MSRA: variants seen among roughly 807,000 people sequenced by gnomAD.
The protein encoded by MSRA is methionine sulfoxide reductase A.
A neutral mutation model predicts 31.3 loss-of-function variants in MSRA; 54 were observed. That is an observed-to-expected ratio of 1.73 (90% CI 1.39 to 2.17). MSRA has a LOEUF of 2.17. Ranked by LOEUF, MSRA falls within the 30% of genes most tolerant of loss-of-function variation. MSRA has a pLI of 0.00. For synonymous variants in MSRA, 169 were observed against 116.5 expected (o/e 1.45, Z -2.90); for missense variants, 507 against 300.9 (o/e 1.69, Z -5.07).
chr8:10,232,660 A>G (rs1811594055), intron 2 of MSRA, among the ~76,000 whole-genome samples: 1 of 152,260 alleles, frequency 6.6e-6, no homozygotes, highest in South Asian at 2.1e-4. Context: ...AAGATTTCAT[A>G]TGAGAACCCA....
At chr8:10,398,620 C>G (rs1275847120) in intron 5 of MSRA, among the ~76,000 whole-genome samples, 3 of 152,188 alleles carry the variant, frequency 2.0e-5, no homozygotes, top group Non-Finnish European at 2.9e-5. Flanking sequence ...GCCAGCAATT[C>G]TAGCACCAGC....
At chr8:10,247,799 T>G (rs1168039579) in intron 3 of MSRA, among the ~76,000 whole-genome samples, 1 of 152,028 alleles carries the variant, frequency 6.6e-6, no homozygotes, top group African/African-American at 2.4e-5. Context: ...GTTCTGATCA[T>G]AAAAGGGAAA....
chr8:10,150,569 A>C lies in MSRA; in HGVS notation c.143-57264A>C, dbSNP rs185947965. On this transcript the variant is annotated intron_variant, in intron 1 of 5. Coordinates refer to ENST00000317173, the MANE Select transcript of MSRA (RefSeq NM_012331.5). ...TGACCAAAATGCCAATTAATGTGTT[A>C]ATATATGACCTCAAATCTACAGAAA... is the stretch of plus-strand genomic sequence containing the variant. Among the ~76,000 whole-genome samples the C allele has an allele frequency of 7.9e-5, 12 of 152,326 alleles. No individual in the cohort carries two copies. In the East Asian group the frequency reaches 2.3e-3, roughly 29 times the overall value.
At chr8:10,413,541 A>G (rs545643237) in intron 5 of MSRA, among the ~76,000 whole-genome samples, 3 of 152,354 alleles carry the variant, frequency 2.0e-5, no homozygotes, top group South Asian at 4.1e-4. Flanking sequence ...GTTACTAAAC[A>G]AAGACTTTAA....
intron 1 of MSRA, among the ~76,000 whole-genome samples, chr8:10,103,864 G>C (rs1201718939): frequency 1.3e-5 from 2 of 151,756 alleles, no homozygotes; most frequent in Non-Finnish European, 2.9e-5. Flanking sequence ...AAAAATTAAG[G>C]ATATAACTAA....
chr8:10,192,459 C>A (rs1018829850), intron 1 of MSRA, among the ~76,000 whole-genome samples: 1 of 152,178 alleles, frequency 6.6e-6, no homozygotes, highest in East Asian at 1.9e-4. Context: ...GCCAGAAACA[C>A]CCAGCTTCCT....
chr8:10,336,961 C>G (rs1803086921), intron 5 of MSRA: 1 of 152,200 alleles, frequency 6.6e-6, no homozygotes, highest in African/African-American at 2.4e-5. Context: ...AGGGCTGAGT[C>G]CTACCTGGCC....
intron 2 of MSRA, among the ~76,000 whole-genome samples, chr8:10,213,156 G>A (rs1378949837): frequency 6.6e-6 from 1 of 151,778 alleles, no homozygotes; most frequent in African/African-American, 2.4e-5. Flanking sequence ...ATTATATTTT[G>A]CATCCATTAA....
At chr8:10,374,527 C>T in intron 5 of MSRA, among the ~76,000 whole-genome samples, 1 of 152,318 alleles carries the variant, frequency 6.6e-6, no homozygotes, top group East Asian at 1.9e-4. Context: ...AAATATTTTA[C>T]AAATCGCCCA....
At chr8:10,327,574 G>C (rs971535250) in intron 5 of MSRA, among the ~76,000 whole-genome samples, 1 of 152,146 alleles carries the variant, frequency 6.6e-6, no homozygotes, top group Non-Finnish European at 1.5e-5. Context: ...CTGACAAATT[G>C]TGGTTTGACT....
intron 5 of MSRA, among the ~76,000 whole-genome samples, chr8:10,323,473 C>A (rs540375372): frequency 6.6e-6 from 1 of 152,246 alleles, no homozygotes; most frequent in African/African-American, 2.4e-5. Flanking sequence ...AAGGCCAGTG[C>A]CTTCCGTGTG....
chr8:10,207,917 T>C lies in MSRA; in HGVS notation c.211+16T>C, dbSNP rs1585171217. The C allele has an allele frequency of 3.1e-6, 5 of 1,605,696 alleles. No individual in the cohort carries two copies. The Admixed American group carries it at 5.0e-5, about 16-fold the overall frequency. On this transcript the variant is annotated intron_variant, in intron 2 of 5. Transcript: ENST00000317173. Reference sequence around the variant, plus strand: ...GCTGTATTTGGTAAGATATCAATTCTGAAAGAAAACCCAAATTGTGTGCAA... The same window carrying C: ...GCTGTATTTGGTAAGATATCAATTCCGAAAGAAAACCCAAATTGTGTGCAA...
chr8:10,305,416 T>C (rs1414510992), intron 4 of MSRA, among the ~76,000 whole-genome samples: 1 of 107,452 alleles, frequency 9.3e-6, no homozygotes, highest in African/African-American at 4.0e-5. Flanking sequence ...TTCCTTTTTT[T>C]TTTTTTTTTT....
intron 3 of MSRA, among the ~76,000 whole-genome samples, chr8:10,283,868 C>CACACACACAT (rs1479551088): frequency 2.3e-5 from 3 of 132,030 alleles, no homozygotes; most frequent in African/African-American, 8.2e-5. Context: ...CACACACACA[C>CACACACACAT]ATATATATTA....
intron 2 of MSRA, among the ~76,000 whole-genome samples, chr8:10,244,058 A>G (rs537781669): frequency 1.3e-5 from 2 of 152,154 alleles, no homozygotes; most frequent in Non-Finnish European, 2.9e-5. Context: ...GTAAACTTCT[A>G]ATTTATCTTT....
chr8:10,370,429 A>G (rs1173314697), intron 5 of MSRA, among the ~76,000 whole-genome samples: 1 of 152,254 alleles, frequency 6.6e-6, no homozygotes, highest in East Asian at 1.9e-4. Context: ...TAGGCAGAGA[A>G]TGACCCAGTG....
At chr8:10,248,567 G>GC (rs942643747) in intron 3 of MSRA, among the ~76,000 whole-genome samples, 1 of 152,262 alleles carries the variant, frequency 6.6e-6, no homozygotes, top group Non-Finnish European at 1.5e-5. Flanking sequence ...GGAGAAGTGA[G>GC]CGAGAGAGTG....
intron 5 of MSRA, among the ~76,000 whole-genome samples, chr8:10,392,363 G>A (rs891801279): frequency 2.0e-5 from 3 of 152,198 alleles, no homozygotes; most frequent in Admixed American, 6.5e-5. Flanking sequence ...CTCCCTCCAT[G>A]TTCAGTCCAG....
chr8:10,198,630 G>A (rs1384519174), intron 1 of MSRA, among the ~76,000 whole-genome samples: 1 of 152,114 alleles, frequency 6.6e-6, no homozygotes, highest in Non-Finnish European at 1.5e-5. Context: ...ATTCTTGGTT[G>A]GTTGTGGTAG....
Sources: allele counts gnomAD v4.1 joint callset (sites outside exome capture counted in the v4.1 genomes callset), GRCh38; gene constraint gnomAD v4.1.1; transcripts MANE v1.5; gene names NCBI Gene and HGNC (gene_info 2026-07-23, HGNC 2026-07-21).